PRUNE2: variants seen among roughly 807,000 people sequenced by gnomAD.
PRUNE2 encodes the protein protein prune homolog 2.
PRUNE2 carries 164 observed loss-of-function variants against 252.0 expected under a neutral mutation model. The observed-to-expected ratio is 0.65, with a 90% confidence interval of 0.57 to 0.74. The LOEUF is 0.74. PRUNE2 is among the 30% of genes least tolerant of loss of function. The pLI is 0.00. For missense variants in PRUNE2, 3,495 were observed against 3,711.0 expected (o/e 0.94, Z 1.51); for synonymous variants, 1,292 against 1,350.2 (o/e 0.96, Z 0.94).
rs904052945 is a variant in PRUNE2, at chr9:76,670,289, C to T, written c.8277-14787G>A. Among the ~76,000 whole-genome samples, 69 of 152,118 alleles carry T rather than the reference C, an allele frequency of 4.5e-4. 1 individual carries two copies. The highest frequency in any genetic ancestry group is 1.8e-3 in the Admixed American group (27 of 15,296). On this transcript the variant is annotated intron_variant, in intron 9 of 18. Transcript: ENST00000376718. ...CTTTCTGAGTCAAAGAAAGGGGTGA[C>T]GGACGGCACCTGGAAAATCGGGTCA... is the stretch of plus-strand genomic sequence containing the variant.
At chr9:76,771,506 G>A (rs2053099208) in intron 6 of PRUNE2, among the ~76,000 whole-genome samples, 1 of 152,172 alleles carries the variant, frequency 6.6e-6, no homozygotes, top group Admixed American at 6.5e-5. Context: ...ATGAAGGCAG[G>A]TACAATGAGG....
intron 12 of PRUNE2, among the ~76,000 whole-genome samples, chr9:76,640,949 ATTTC>A (rs530687685): frequency 1.7e-4 from 26 of 152,290 alleles, no homozygotes; most frequent in East Asian, 9.6e-4. Context: ...AGTTACTTTG[ATTTC>A]TTTCTTTATT....
intron 3 of PRUNE2, 116 bp downstream of exon 3, chr9:76,850,347 T>C (rs947499975): frequency 4.2e-5 from 33 of 787,640 alleles, no homozygotes; most frequent in Non-Finnish European, 6.7e-5. Flanking sequence ...ATGACCAGCA[T>C]GTCCTCTGCT....
At chr9:76,754,685 G>A (rs1268040934) in intron 6 of PRUNE2, among the ~76,000 whole-genome samples, 1 of 151,866 alleles carries the variant, frequency 6.6e-6, no homozygotes, top group African/African-American at 2.4e-5. Flanking sequence ...ATATCCTTCC[G>A]GCCAGGCATG....
At chr9:76,828,193 T>C (rs1820654570) in intron 4 of PRUNE2, among the ~76,000 whole-genome samples, 1 of 152,150 alleles carries the variant, frequency 6.6e-6, no homozygotes, top group African/African-American at 2.4e-5. Context: ...AAGCTGAGCT[T>C]GAAGGATAAC....
intron 9 of PRUNE2, among the ~76,000 whole-genome samples, chr9:76,686,797 T>C (rs2044145678): frequency 6.6e-6 from 1 of 152,150 alleles, no homozygotes; most frequent in Non-Finnish European, 1.5e-5. Context: ...GGTGTCTCAC[T>C]ATGTTGCCTA....
intron 7 of PRUNE2, 23 bp downstream of exon 7, chr9:76,713,540 A>G: frequency 6.3e-7 from 1 of 1,594,238 alleles, no homozygotes; most frequent in Non-Finnish European, 8.5e-7. Flanking sequence ...AGGGAACATG[A>G]CGGGGTCAGA....
Position 76,810,975 on chromosome 9 carries a change from T to TAC in PRUNE2, c.756+12656_756+12657insGT, listed in dbSNP as rs2057319200. ...ATATTGCATATGATTCTCAGGAGCG[T>TAC]TACAGACAAACTAATTTAAACCAAG... On this transcript the variant is annotated intron_variant, in intron 6 of 18. Coordinates refer to ENST00000376718, the MANE Select transcript of PRUNE2 (RefSeq NM_015225.3). Among the ~76,000 whole-genome samples, 7 of 152,258 alleles carry TAC rather than the reference T, an allele frequency of 4.6e-5. No individual in the cohort carries two copies. The South Asian group carries it at 1.5e-3, about 32-fold the overall frequency.
At chr9:76,852,663 C>A (rs1034515518) in intron 2 of PRUNE2, among the ~76,000 whole-genome samples, 1 of 152,198 alleles carries the variant, frequency 6.6e-6, no homozygotes, top group South Asian at 2.1e-4. Context: ...CAGTAAACTA[C>A]GAGAAAGGCA....
At chr9:76,847,659 G>A (rs2059741529) in intron 3 of PRUNE2, among the ~76,000 whole-genome samples, 2 of 152,136 alleles carry the variant, frequency 1.3e-5, no homozygotes, top group African/African-American at 4.8e-5. Context: ...TCATACATGA[G>A]ACAGAGCTGG....
At chr9:76,664,590 G>A (rs1038252289) in intron 9 of PRUNE2, among the ~76,000 whole-genome samples, 5 of 152,080 alleles carry the variant, frequency 3.3e-5, no homozygotes, top group East Asian at 1.9e-4. Flanking sequence ...GAGCGATCTC[G>A]GCTCACTCCA....
chr9:76,797,471 T>G (rs1323503313), intron 6 of PRUNE2, among the ~76,000 whole-genome samples: 2 of 152,162 alleles, frequency 1.3e-5, no homozygotes, highest in African/African-American at 4.8e-5. Flanking sequence ...TATTTATTGT[T>G]ATTCAAGAGA....
intron 6 of PRUNE2, among the ~76,000 whole-genome samples, chr9:76,744,133 C>T (rs1320410069): frequency 6.6e-6 from 1 of 152,194 alleles, no homozygotes; most frequent in Admixed American, 6.5e-5. Context: ...AAATGCAAGT[C>T]ATTATCTACC....
intron 4 of PRUNE2, among the ~76,000 whole-genome samples, chr9:76,835,032 G>A (rs1185618987): frequency 2.0e-5 from 3 of 152,310 alleles, no homozygotes; most frequent in Admixed American, 2.0e-4. Context: ...GCAGGGTAGA[G>A]GGAAGGAGCG....
At chr9:76,895,535 A>C (rs12337727) in intron 1 of PRUNE2, among the ~76,000 whole-genome samples, 2,266 of 152,184 alleles carry the variant, frequency 0.015, 58 homozygotes, top group African/African-American at 0.052. Context: ...ATTTTTTTCT[A>C]TGTTAATTAT....
At chr9:76,881,127 C>T (rs1462721815) in intron 1 of PRUNE2, among the ~76,000 whole-genome samples, 1 of 152,054 alleles carries the variant, frequency 6.6e-6, no homozygotes, top group Admixed American at 6.6e-5. Flanking sequence ...GCCACCATAC[C>T]CAGCTAATTT....
chr9:76,764,180 C>T (rs1228928781), intron 6 of PRUNE2, among the ~76,000 whole-genome samples: 1 of 152,202 alleles, frequency 6.6e-6, no homozygotes, highest in African/African-American at 2.4e-5. Context: ...ACAAGACAGA[C>T]ATGTCACTGC....
chr9:76,622,640 T>C (rs1000991659), intron 17 of PRUNE2, among the ~76,000 whole-genome samples: 1 of 152,192 alleles, frequency 6.6e-6, no homozygotes, highest in Admixed American at 6.5e-5. Context: ...GGAAATCTCA[T>C]GATACAAAGC....
chr9:76,839,822 C>G (rs1023047746), intron 4 of PRUNE2, among the ~76,000 whole-genome samples: 3 of 152,220 alleles, frequency 2.0e-5, no homozygotes, highest in East Asian at 3.9e-4. Flanking sequence ...ATGTTATGTT[C>G]TAGATGGAGG....
Sources: gnomAD v4.1 joint callset for allele counts (sites outside exome capture counted in the v4.1 genomes callset) on GRCh38, gnomAD v4.1.1 for gene constraint, MANE v1.5 for transcripts, NCBI Gene and HGNC (gene_info 2026-07-23, HGNC 2026-07-21) for gene names.